Variants in APBA2 observed in about 807,000 individuals in gnomAD.
The protein encoded by APBA2 is amyloid beta precursor protein binding family A member 2.
In APBA2, 30 loss-of-function variants were observed where a neutral mutation model predicts 75.0. The observed-to-expected ratio is 0.40, with a 90% confidence interval of 0.30 to 0.54. The LOEUF is 0.54. Ranked by LOEUF, APBA2 falls within the 20% of genes least tolerant of loss-of-function variation. The pLI is 0.49. For missense variants in APBA2, 801 were observed against 1,016.1 expected (o/e 0.79, Z 2.88); for synonymous variants, 444 against 409.6 (o/e 1.08, Z -1.01).
Position 29,113,960 on chromosome 15 carries a change from G to A in APBA2, c.2122G>A (p.Val708Met), listed in dbSNP as rs538291011. 3.7e-5 allele frequency: 60 copies of A among 1,613,762 alleles called. 1 individual carries two copies. In the South Asian group the frequency reaches 4.4e-4, roughly 12 times the overall value. Residue 708 changes from valine (V) to methionine (M), a missense_variant, in exon 14 of 15, where the codon GTG (valine) becomes ATG (methionine). Val to Met is a conservative substitution (Grantham distance 21). Around this residue, in one of 2 missense-constraint regions of APBA2, gnomAD observed 367 missense variants for 544.5 expected, o/e 0.67. Transcript: ENST00000683413. ...CATCATCGAGATCAACGGGCAGAGC[G>A]TGGTGGCCACAGCCCACGAGAAGAT... ...HRIIEINGQS[V>M]VATAHEKIVQ... is the part of the protein sequence containing the mutation.
chr15:29,060,901 C>T (rs1277078944), intron 4 of APBA2, among the ~76,000 whole-genome samples: 1 of 152,138 alleles, frequency 6.6e-6, no homozygotes, highest in Non-Finnish European at 1.5e-5. Flanking sequence ...CCTCTACTAT[C>T]AGGCAGTGAA....
At chr15:28,978,621 C>G (rs933553658) in intron 2 of APBA2, among the ~76,000 whole-genome samples, 1 of 152,204 alleles carries the variant, frequency 6.6e-6, no homozygotes, top group East Asian at 1.9e-4. Context: ...AATCATAGAG[C>G]TATTGTGATG....
chr15:29,059,488 A>G (rs1322127129), intron 4 of APBA2, among the ~76,000 whole-genome samples: 1 of 152,346 alleles, frequency 6.6e-6, no homozygotes. Context: ...CACATAGTGG[A>G]CAGGTAGAAA....
chr15:29,016,017 G>T (rs2039644603), intron 3 of APBA2, among the ~76,000 whole-genome samples: 1 of 152,210 alleles, frequency 6.6e-6, no homozygotes, highest in Non-Finnish European at 1.5e-5. Flanking sequence ...CCAGCACTTT[G>T]GGAGGCCAAG....
intron 3 of APBA2, among the ~76,000 whole-genome samples, chr15:29,022,301 T>C (rs1297445598): frequency 6.6e-6 from 1 of 152,208 alleles, no homozygotes; most frequent in African/African-American, 2.4e-5. Flanking sequence ...TCACCAACGC[T>C]TCTTATCTTT....
At chr15:28,947,275 C>T (rs922096738) in intron 2 of APBA2, among the ~76,000 whole-genome samples, 1 of 152,146 alleles carries the variant, frequency 6.6e-6, no homozygotes, top group African/African-American at 2.4e-5. Context: ...CTGCAGTGGG[C>T]CTGTTGGAGC....
chr15:29,090,969 C>T (rs939130965), intron 6 of APBA2, among the ~76,000 whole-genome samples: 3 of 152,130 alleles, frequency 2.0e-5, no homozygotes, highest in Non-Finnish European at 2.9e-5. Context: ...GTGCACACTT[C>T]ACTCTGAAGA....
chr15:29,113,839 C>T (rs199833682), intron 13 of APBA2, 37 bp from the exon 14 acceptor site: 86 of 1,575,236 alleles, frequency 5.5e-5, no homozygotes, highest in Admixed American at 2.2e-4. Context: ...TCGGGTGTGG[C>T]GGGAACACGT....
rs149218492 is a variant in APBA2 at position 29,096,781 on chromosome 15, C to T, written c.1252-1709C>T. On this transcript the variant is annotated intron_variant, in intron 8 of 14. Coordinates refer to ENST00000683413, the MANE Select transcript of APBA2 (RefSeq NM_001353788.2). ...AATTAAATCATAGTTTTTGCTGTTT[C>T]GAAATGGAAAATAGACCACCCTGGG... is the stretch of plus-strand genomic sequence containing the variant. Among the ~76,000 whole-genome samples, 1,008 of 152,306 alleles carry T rather than the reference C, an allele frequency of 6.6e-3. 6 individuals carry two copies. The highest frequency in any genetic ancestry group is 0.01 in the Non-Finnish European group (694 of 68,034).
chr15:29,018,132 A>G (rs776540033), intron 3 of APBA2, among the ~76,000 whole-genome samples: 13 of 152,152 alleles, frequency 8.5e-5, no homozygotes, highest in Non-Finnish European at 1.5e-4. Context: ...TTGGATGAAG[A>G]TCTGTTAGAT....
At chr15:29,047,186 C>T (rs912844316) in intron 3 of APBA2, among the ~76,000 whole-genome samples, 9 of 152,188 alleles carry the variant, frequency 5.9e-5, no homozygotes, top group African/African-American at 2.2e-4. Context: ...TTGTCTTATA[C>T]CAAAAGTGCC....
chr15:29,115,943 G>T (rs2045087477), intron 14 of APBA2, among the ~76,000 whole-genome samples: 1 of 151,314 alleles, frequency 6.6e-6, no homozygotes, highest in Admixed American at 6.5e-5. Flanking sequence ...GCATGCCTGC[G>T]GCAGCTGACC....
chr15:29,045,324 A>G (rs1245095322), intron 3 of APBA2, among the ~76,000 whole-genome samples: 1 of 148,896 alleles, frequency 6.7e-6, no homozygotes, highest in African/African-American at 2.5e-5. Flanking sequence ...ACTCAAGACC[A>G]TGTGATCTGC....
chr15:29,104,561 G>A lies in APBA2; in HGVS notation c.1525-818G>A, dbSNP rs962267500. ...TGAAGCAGCTCAGCGGAAGTAGAAA[G>A]AAGTGACGTGCTTCATGGGGCCTGT... is the stretch of plus-strand genomic sequence containing the variant. On this transcript the variant is annotated intron_variant, in intron 10 of 14. Transcript: ENST00000683413. Among the ~76,000 whole-genome samples the A allele has an allele frequency of 5.9e-5, 9 of 152,368 alleles. 1 individual carries two copies. The South Asian group carries it at 1.4e-3, about 25-fold the overall frequency.
At chr15:28,988,848 A>G (rs920946156) in intron 2 of APBA2, among the ~76,000 whole-genome samples, 2 of 152,160 alleles carry the variant, frequency 1.3e-5, no homozygotes, top group Non-Finnish European at 2.9e-5. Flanking sequence ...GTAATCTTCA[A>G]ACGTACTAGA....
intron 1 of APBA2, among the ~76,000 whole-genome samples, chr15:28,903,292 C>T (rs1413292160): frequency 2.6e-5 from 4 of 152,146 alleles, no homozygotes; most frequent in Admixed American, 6.5e-5. Flanking sequence ...TCACGATAGA[C>T]GATAGTGACC....
intron 2 of APBA2, among the ~76,000 whole-genome samples, chr15:28,965,036 CTT>C (rs2036667819): frequency 1.3e-5 from 2 of 151,752 alleles, no homozygotes; most frequent in South Asian, 4.1e-4. Context: ...TCTAGGAACT[CTT>C]TGCCTAATCA....
chr15:29,074,274 A>T (rs1187567195), intron 4 of APBA2, among the ~76,000 whole-genome samples: 2 of 152,220 alleles, frequency 1.3e-5, no homozygotes, highest in African/African-American at 4.8e-5. Context: ...GATAAACAAG[A>T]GGTGGCATGT....
intron 1 of APBA2, among the ~76,000 whole-genome samples, chr15:28,901,106 C>G (rs1343472935): frequency 6.6e-6 from 1 of 152,210 alleles, no homozygotes; most frequent in African/African-American, 2.4e-5. Flanking sequence ...GTGCGTGAAG[C>G]AAGCTGGTGT....
Sources: gnomAD v4.1 joint callset for allele counts (sites outside exome capture counted in the v4.1 genomes callset) on GRCh38, gnomAD v4.1.1 for gene constraint, gnomAD v4.1.1 regional missense constraint, MANE v1.5 for transcripts, NCBI Gene and HGNC (gene_info 2026-07-23, HGNC 2026-07-21) for gene names.